FBXO36: variants seen among roughly 807,000 people sequenced by gnomAD.
The protein encoded by FBXO36 is F-box only protein 36.
Under a neutral mutation model 17.0 loss-of-function variants are expected in FBXO36, and 18 were observed. The ratio of observed to expected loss-of-function variants is 1.06; its 90% CI spans 0.73 to 1.57. The LOEUF is 1.57. Among genes scored for constraint, FBXO36 ranks in the 40% most tolerant of loss-of-function variants. The pLI is 0.00. For synonymous variants in FBXO36, 83 were observed against 85.3 expected, an observed-to-expected ratio of 0.97 and a Z score of 0.15; for missense variants, 229 against 221.9, an observed-to-expected ratio of 1.03 and a Z score of -0.20.
chr2:229,989,853 G>A (rs575327554), intron 2 of FBXO36, among the ~76,000 whole-genome samples: 3 of 152,054 alleles, frequency 2.0e-5, no homozygotes, highest in East Asian at 1.9e-4. Context: ...GATTACAGGC[G>A]TGAGCCACCG....
chr2:229,973,421 T>TA, intron 1 of FBXO36: 1 of 152,206 alleles, frequency 6.6e-6, no homozygotes, highest in East Asian at 1.9e-4. Context: ...TCCATATTTT[T>TA]AAAAAATGTC....
At chr2:229,952,919 G>A (rs2077064702) in intron 1 of FBXO36, among the ~76,000 whole-genome samples, 1 of 152,244 alleles carries the variant, frequency 6.6e-6, no homozygotes, top group Admixed American at 6.5e-5. Context: ...ACTCAACAGA[G>A]AGGTGAGGGA....
intron 1 of FBXO36, among the ~76,000 whole-genome samples, chr2:229,952,545 A>G (rs1444140631): frequency 6.6e-6 from 1 of 152,186 alleles, no homozygotes; most frequent in African/African-American, 2.4e-5. Flanking sequence ...TCAGTAAACC[A>G]GTGGCTGAGC....
At chr2:229,922,781 C>T (rs1382003351) in intron 1 of FBXO36, among the ~76,000 whole-genome samples, 172 bp downstream of exon 1, 1 of 152,212 alleles carries the variant, frequency 6.6e-6, no homozygotes, top group African/African-American at 2.4e-5. Flanking sequence ...GTCCGACGGC[C>T]CGCGTGTCCC....
intron 1 of FBXO36, among the ~76,000 whole-genome samples, chr2:229,949,737 G>A (rs191306384): frequency 4.7e-4 from 72 of 151,998 alleles, no homozygotes; most frequent in East Asian, 1.6e-3. Context: ...CATCCTGGCT[G>A]ACACGGTGAA....
At chr2:229,922,834 C>A (rs2076795681) in intron 1 of FBXO36, among the ~76,000 whole-genome samples, 2 of 152,206 alleles carry the variant, frequency 1.3e-5, no homozygotes, top group Non-Finnish European at 2.9e-5. Flanking sequence ...GCCTTCTCTG[C>A]CTCCCCGCGG....
At chr2:229,974,424 T>C (rs770344916) in intron 1 of FBXO36, among the ~76,000 whole-genome samples, 2 of 152,204 alleles carry the variant, frequency 1.3e-5, no homozygotes, top group Non-Finnish European at 1.5e-5. Context: ...CCAGTGGCCA[T>C]TGTGGCAAGC....
chr2:229,951,905 A>G (rs908727795), intron 1 of FBXO36, among the ~76,000 whole-genome samples: 23 of 152,332 alleles, frequency 1.5e-4, no homozygotes, highest in Middle Eastern at 3.4e-3. Context: ...TGCTTTGGCC[A>G]TTTGAGCCTG....
In FBXO36 at chr2:230,011,036, CAG is replaced by C. The variant is rs2077413282; in HGVS notation, c.*155_*156del. 2 of 804,286 alleles carry C rather than the reference CAG, an allele frequency of 2.5e-6. No individual in the cohort carries two copies. The highest frequency in any genetic ancestry group is 2.8e-5 in the East Asian group (1 of 35,724). The allele number at this position is 804,286 out of a possible 1,614,324, so 49.8% of individuals were successfully genotyped here. A position where few individuals can be genotyped will look rare whatever the true frequency, so the allele number is the denominator to read the frequency against. ...GTAGGGGATTTGCACACAAATGCAG[CAG>C]AGTCTGGCTCCCCAGTGCCTTGCTA... On this transcript the variant is annotated 3_prime_UTR_variant, in exon 4 of 4. Transcript: ENST00000283946.
chr2:229,962,058 CTGTAAT>C (rs2077124119), intron 1 of FBXO36, among the ~76,000 whole-genome samples: 1 of 151,998 alleles, frequency 6.6e-6, no homozygotes, highest in South Asian at 2.1e-4. Context: ...TGGCATGCGC[CTGTAAT>C]CCCAGCTACC....
At chr2:229,997,713 G>A (rs905028521) in intron 3 of FBXO36, among the ~76,000 whole-genome samples, 2 of 152,158 alleles carry the variant, frequency 1.3e-5, no homozygotes, top group African/African-American at 4.8e-5. Flanking sequence ...GTCCATTGCA[G>A]TGTCCTGTTT....
chr2:229,927,473 G>T (rs989361665), intron 1 of FBXO36, among the ~76,000 whole-genome samples: 1 of 152,142 alleles, frequency 6.6e-6, no homozygotes, highest in Non-Finnish European at 1.5e-5. Context: ...CAAAATGGAA[G>T]TGTTGCTTAG....
intron 1 of FBXO36, among the ~76,000 whole-genome samples, chr2:229,955,248 T>A (rs2077080958): frequency 6.6e-6 from 1 of 152,116 alleles, no homozygotes; most frequent in Non-Finnish European, 1.5e-5. Flanking sequence ...AGTAACACAC[T>A]ATGAAATATG....
intron 1 of FBXO36, among the ~76,000 whole-genome samples, chr2:229,970,900 C>G (rs1275808289): frequency 6.6e-6 from 1 of 152,144 alleles, no homozygotes; most frequent in Admixed American, 6.6e-5. Flanking sequence ...TTAAAGAGCT[C>G]TTTCAGTAAC....
chr2:229,993,868 G>C (rs974968766), intron 2 of FBXO36, among the ~76,000 whole-genome samples: 8 of 151,838 alleles, frequency 5.3e-5, no homozygotes, highest in African/African-American at 1.9e-4. Flanking sequence ...CCATTCTCCC[G>C]CCTCAGCCTC....
In FBXO36 at chr2:229,996,909, C is replaced by T; in HGVS notation, c.364C>T (p.His122Tyr). Reference protein sequence around the residue: ...EDIARLCQTSHRFAKLCMSDK... With the variant: ...EDIARLCQTSYRFAKLCMSDK... Reference sequence around the variant, plus strand: ...TATTGCCAGGCTTTGTCAAACATCACACAGATTTGCAAAGGTAACGGTCAA... The same window carrying T: ...TATTGCCAGGCTTTGTCAAACATCATACAGATTTGCAAAGGTAACGGTCAA... Residue 122 changes from histidine (H) to tyrosine (Y), a missense_variant, in exon 3 of 4, where the codon CAC becomes TAC. Physicochemically the swap from His to Tyr is moderately conservative, Grantham distance 83 (BLOSUM62 2). Coordinates refer to ENST00000283946, the MANE Select transcript of FBXO36 (RefSeq NM_174899.5). The T allele has an allele frequency of 6.2e-7, 1 of 1,613,214 alleles. No individual in the cohort carries two copies. The highest frequency in any genetic ancestry group is 8.5e-7 in the Non-Finnish European group (1 of 1,179,808).
intron 1 of FBXO36, among the ~76,000 whole-genome samples, chr2:229,938,722 C>T (rs1038551976): frequency 6.7e-6 from 1 of 148,322 alleles, no homozygotes; most frequent in Non-Finnish European, 1.5e-5. Context: ...CCGCGCCCGG[C>T]CGGATGCATT....
At chr2:230,009,406 G>T (rs766323322) in intron 3 of FBXO36, among the ~76,000 whole-genome samples, 1 of 152,174 alleles carries the variant, frequency 6.6e-6, no homozygotes, top group Non-Finnish European at 1.5e-5. Context: ...CTTTGCTTAG[G>T]ATAACAGCCT....
At chr2:229,951,284 C>A (rs541157521) in intron 1 of FBXO36, among the ~76,000 whole-genome samples, 2 of 146,254 alleles carry the variant, frequency 1.4e-5, no homozygotes, top group South Asian at 4.3e-4. Context: ...GCTTTTGTTG[C>A]CCAGGCTGGA....
Sources: gnomAD v4.1 joint callset for allele counts (sites outside exome capture counted in the v4.1 genomes callset) on GRCh38, gnomAD v4.1.1 for gene constraint, MANE v1.5 for transcripts, NCBI Gene and HGNC (gene_info 2026-07-23, HGNC 2026-07-21) for gene names.